ADGRL3: variants seen among roughly 807,000 people sequenced by gnomAD.
ADGRL3 encodes calcium-independent alpha-latrotoxin receptor 3.
In ADGRL3, 62 loss-of-function variants were observed where a neutral mutation model predicts 153.5. The observed-to-expected ratio is 0.40, with a 90% CI of 0.33 to 0.50. The LOEUF (loss-of-function observed/expected upper bound fraction) is 0.50, where lower values mean the gene tolerates loss of function less well. ADGRL3 is among the 20% of genes least tolerant of loss of function. The probability of loss-of-function intolerance (pLI) is 0.47; values close to 1 mark genes in which losing one functional copy is unlikely to be tolerated. For synonymous variants in ADGRL3, 710 were observed against 672.5 expected (o/e 1.06, Z -0.86); for missense variants, 1,641 against 1,859.4 (o/e 0.88, Z 2.16).
intron 9 of ADGRL3, among the ~76,000 whole-genome samples, chr4:61,888,621 G>C (rs187650087): frequency 1.3e-5 from 2 of 152,260 alleles, no homozygotes; most frequent in Admixed American, 6.5e-5. Flanking sequence ...GGGGATCAGG[G>C]ACAGCCTTTA....
chr4:61,702,226 C>T (rs1422835482), intron 6 of ADGRL3, among the ~76,000 whole-genome samples: 1 of 152,080 alleles, frequency 6.6e-6, no homozygotes, highest in Non-Finnish European at 1.5e-5. Flanking sequence ...ATTTCAATCT[C>T]CAGACTAGTT....
intron 2 of ADGRL3, among the ~76,000 whole-genome samples, chr4:61,438,488 C>T (rs979839073): frequency 2.0e-5 from 3 of 151,600 alleles, no homozygotes; most frequent in African/African-American, 7.3e-5. Flanking sequence ...TAAGTACTAT[C>T]AGAAATGAAC....
In ADGRL3 at chr4:61,935,989, G is replaced by A. The variant is rs922145814; in HGVS notation, c.2363G>A (p.Gly788Asp). Residue 788 changes from glycine to aspartate, a missense_variant, in exon 15 of 27, where the codon GGC (glycine) becomes GAC (aspartate). This residue lies in a region of ADGRL3 where 734 missense variants were observed against 797.0 expected (regional missense o/e 0.92). Transcript: ENST00000683033. ...GACCTAAAATTTCCAGAAAACATGGGCCATGGAAGCACTATCCAGCTGTCT... is the reference window on the plus strand; with the variant it reads ...GACCTAAAATTTCCAGAAAACATGGACCATGGAAGCACTATCCAGCTGTCT... ...LEDLKFPENM[G>D]HGSTIQLSAN... 1 of 1,608,280 alleles carries A rather than the reference G, an allele frequency of 6.2e-7. No individual in the cohort carries two copies. Among genetic ancestry groups the A allele is most frequent in the Non-Finnish European group, 8.5e-7 (1 of 1,177,066 alleles).
chr4:61,369,320 G>C (rs556349787), intron 1 of ADGRL3, among the ~76,000 whole-genome samples: 1 of 152,304 alleles, frequency 6.6e-6, no homozygotes, highest in South Asian at 2.1e-4. Flanking sequence ...TTTTCAAAGG[G>C]AATGCTTTCA....
At position 61,209,907 on chromosome 4, in the gene ADGRL3, G is replaced by A. The variant is rs557631307; in HGVS notation, c.-240+8142G>A. 2.6e-5 allele frequency among the ~76,000 whole-genome samples: 4 copies of A among 152,166 alleles called. No individual in the cohort carries two copies. The South Asian group carries it at 6.2e-4, about 24-fold the overall frequency. The stretch of plus-strand genomic sequence containing the variant: ...ACCATATGAAGTCATCATAAACGTC[G>A]AAGATATCAGGATTTTCATATTTTT... On this transcript the variant is annotated intron_variant, in intron 1 of 26. Transcript: ENST00000683033.
At chr4:61,917,094 A>G (rs1296465594) in intron 13 of ADGRL3, among the ~76,000 whole-genome samples, 1 of 152,220 alleles carries the variant, frequency 6.6e-6, no homozygotes. Context: ...AACTTAACAG[A>G]TGAAAAAATG....
intron 23 of ADGRL3, among the ~76,000 whole-genome samples, chr4:62,033,747 G>A (rs1214600325): frequency 6.6e-6 from 1 of 151,722 alleles, no homozygotes; most frequent in Non-Finnish European, 1.5e-5. Flanking sequence ...TTATTTGCCT[G>A]TCGTCTTTAT....
chr4:61,766,176 G>T (rs927176732), intron 8 of ADGRL3, among the ~76,000 whole-genome samples: 6 of 152,082 alleles, frequency 3.9e-5, no homozygotes, highest in African/African-American at 1.5e-4. Context: ...TGGGAGGTAG[G>T]ATTGAAGTCT....
intron 13 of ADGRL3, 133 bp downstream of exon 13, chr4:61,912,890 G>T: frequency 1.2e-6 from 1 of 811,268 alleles, no homozygotes; most frequent in South Asian, 1.7e-5. Context: ...GGAGAAGGGT[G>T]GGAACAGAAA....
At chr4:61,638,343 G>T (rs979151994) in intron 5 of ADGRL3, among the ~76,000 whole-genome samples, 2 of 152,112 alleles carry the variant, frequency 1.3e-5, no homozygotes, top group African/African-American at 4.8e-5. Context: ...AGTTGTTTTT[G>T]GGGGCCAGTT....
At chr4:61,936,884 G>C (rs750335991) in intron 15 of ADGRL3, among the ~76,000 whole-genome samples, 23 of 151,878 alleles carry the variant, frequency 1.5e-4, no homozygotes, top group Admixed American at 3.9e-4. Context: ...GATGACCTCA[G>C]TTCCTAGCAA....
At chr4:61,709,393 G>A (rs1348955686) in intron 6 of ADGRL3, among the ~76,000 whole-genome samples, 1 of 152,078 alleles carries the variant, frequency 6.6e-6, no homozygotes, top group Non-Finnish European at 1.5e-5. Flanking sequence ...CAAGTACTGT[G>A]TTTTCCTGTT....
intron 5 of ADGRL3, among the ~76,000 whole-genome samples, chr4:61,668,554 G>A (rs2094882300): frequency 6.6e-6 from 1 of 152,064 alleles, no homozygotes; most frequent in Admixed American, 6.6e-5. Context: ...TTTCTTTAAG[G>A]TAAAGGAATG....
At chr4:61,539,422 C>G (rs948395457) in intron 4 of ADGRL3, among the ~76,000 whole-genome samples, 1 of 152,152 alleles carries the variant, frequency 6.6e-6, no homozygotes, top group Non-Finnish European at 1.5e-5. Context: ...CTCCCTCATC[C>G]CCTATGGGTG....
At chr4:61,965,624 A>C in intron 17 of ADGRL3, among the ~76,000 whole-genome samples, 1 of 151,826 alleles carries the variant, frequency 6.6e-6, no homozygotes, top group Non-Finnish European at 1.5e-5. Context: ...GGTGGCAGGC[A>C]CCTGTAGTCC....
At chr4:61,687,372 G>T (rs1049202481) in intron 6 of ADGRL3, among the ~76,000 whole-genome samples, 2 of 151,952 alleles carry the variant, frequency 1.3e-5, no homozygotes, top group African/African-American at 4.8e-5. Context: ...GAAGTCAAGA[G>T]AGTCAATGTT....
At chr4:61,991,794 C>T (rs2099104731) in intron 19 of ADGRL3, among the ~76,000 whole-genome samples, 1 of 151,150 alleles carries the variant, frequency 6.6e-6, no homozygotes, top group Non-Finnish European at 1.5e-5. Context: ...GCATATATAC[C>T]TGTCCCTTTT....
rs1461446675 is a variant in ADGRL3 at position 61,339,632 on chromosome 4, T to C, written c.-239-43492T>C. On this transcript the variant is annotated intron_variant, in intron 1 of 26. Coordinates refer to ENST00000683033, the MANE Select transcript of ADGRL3 (RefSeq NM_001387552.1). ...GAGACTTCATATGTTTTTTAAATAT[T>C]AGCAAGAATGTGAACTATTTTTCAT... Among the ~76,000 whole-genome samples the C allele has an allele frequency of 2.6e-5, 4 of 152,198 alleles. No homozygotes were observed. In the South Asian group the frequency reaches 8.3e-4, roughly 31 times the overall value.
rs150251468 is a variant in ADGRL3 at position 61,799,083 on chromosome 4, G to GGATAGATAGATA, written c.1400-14710_1400-14699dup. The stretch of plus-strand genomic sequence containing the variant: ...TACAGTGGTAGATAGATAGGTAGAT[G>GGATAGATAGATA]GATAGATAGATAGATAGATAGATAG... On this transcript the variant is annotated intron_variant, in intron 8 of 26. Coordinates refer to ENST00000683033, the MANE Select transcript of ADGRL3 (RefSeq NM_001387552.1). Among the ~76,000 whole-genome samples, 274 of 133,758 alleles carry GGATAGATAGATA rather than the reference G, an allele frequency of 2.0e-3. 2 individuals carry two copies. The highest frequency in any genetic ancestry group is 7.0e-3 in the African/African-American group (253 of 36,072). The allele number at this position is 133,758 out of a possible 152,430, so 87.8% of individuals were successfully genotyped here. A position where few individuals can be genotyped will look rare whatever the true frequency, so the allele number is the denominator to read the frequency against.
Sources: gnomAD v4.1 joint callset for allele counts (sites outside exome capture counted in the v4.1 genomes callset) on GRCh38, gnomAD v4.1.1 for gene constraint, gnomAD v4.1.1 regional missense constraint, MANE v1.5 for transcripts, NCBI Gene and HGNC (gene_info 2026-07-23, HGNC 2026-07-21) for gene names.